NKPD1: variants seen among roughly 807,000 people sequenced by gnomAD.
NKPD1 encodes NTPase KAP family P-loop domain-containing protein 1.
A neutral mutation model predicts 42.2 loss-of-function variants in NKPD1; 37 were observed. The ratio of observed to expected loss-of-function variants is 0.88; its 90% CI spans 0.67 to 1.15. The LOEUF is 1.15. Ranked by LOEUF, NKPD1 falls within the 50% of genes most tolerant of loss-of-function variation. NKPD1 has a pLI of 0.00. For synonymous variants in NKPD1, 552 were observed against 536.5 expected (o/e 1.03, Z -0.40); for missense variants, 1,113 against 1,174.6 (o/e 0.95, Z 0.77).
Position 45,152,846 on chromosome 19 carries a change from T to G in NKPD1, c.1591A>C (p.Ile531Leu). The G allele has an allele frequency of 2.5e-6, 4 of 1,593,836 alleles. No homozygotes were observed. The highest frequency in any genetic ancestry group is 3.4e-6 in the Non-Finnish European group (4 of 1,167,538). ...TGCAGCTTGGTGCGGCGGCCCATAATGGGCACAGAGAAGGGCAGCGTGACA... is the reference window on the plus strand; with the variant it reads ...TGCAGCTTGGTGCGGCGGCCCATAAGGGGCACAGAGAAGGGCAGCGTGACA... ...RTVTLPFSVPIMGRRTKLQFL... is the reference protein window; with the variant it reads ...RTVTLPFSVPLMGRRTKLQFL... The change falls in exon 5 of 5, where the codon ATT becomes CTT. Residue 531 changes from isoleucine (I) to leucine (L), a missense_variant. Physicochemically the swap from Ile to Leu is conservative, Grantham distance 5. Coordinates refer to ENST00000686631, the MANE Select transcript of NKPD1 (RefSeq NM_198478.4).
Position 45,152,842 on chromosome 19 carries a change from A to G in NKPD1, c.1595T>C (p.Met532Thr), listed in dbSNP as rs1336417969. 9.4e-6 allele frequency: 15 copies of G among 1,594,526 alleles called. No homozygotes were observed. Among genetic ancestry groups the G allele is most frequent in the Admixed American group, 1.7e-5 (1 of 58,826 alleles). The part of the protein sequence containing the change: ...TVTLPFSVPI[M>T]GRRTKLQFLH... ...GAACTGCAGCTTGGTGCGGCGGCCC[A>G]TAATGGGCACAGAGAAGGGCAGCGT... is the stretch of plus-strand genomic sequence containing the variant. The change falls in exon 5 of 5, where the codon ATG (methionine) becomes ACG (threonine). Residue 532 changes from methionine (M) to threonine (T), a missense_variant. Transcript: ENST00000686631.
At position 45,151,806 on chromosome 19, in the gene NKPD1, C is replaced by T. The variant is rs1968782182; in HGVS notation, c.*132G>A. ...GGAAGCTATGTCCACGGCTCTGGCTCAGGTTCACCTGGGGGTGTGGGCCTC... is the reference window on the plus strand; with the variant it reads ...GGAAGCTATGTCCACGGCTCTGGCTTAGGTTCACCTGGGGGTGTGGGCCTC... On this transcript the variant is annotated 3_prime_UTR_variant, in exon 5 of 5. Coordinates refer to ENST00000686631, the MANE Select transcript of NKPD1 (RefSeq NM_198478.4). 2 of 998,224 alleles carry T rather than the reference C, an allele frequency of 2.0e-6. No individual in the cohort carries two copies. The highest frequency in any genetic ancestry group is 2.8e-6 in the Non-Finnish European group (2 of 714,562). 61.8% of individuals were successfully genotyped at this position (998,224 alleles called of 1,614,324 possible). A position where few individuals can be genotyped will look rare whatever the true frequency, so the allele number is the denominator to read the frequency against.
At chr19:45,161,632 T>A (rs12460178), upstream of NKPD1, among the ~76,000 whole-genome samples, 2,237 of 152,196 alleles carry the variant, frequency 0.015, 63 homozygotes, top group African/African-American at 0.049. Flanking sequence ...TTGGAAGCAG[T>A]CAGTGGTTGC....
In NKPD1 at chr19:45,153,534, G is replaced by A. The variant is rs1296563192; in HGVS notation, c.903C>T (p.Cys301=). 4 of 1,549,778 alleles carry A rather than the reference G, an allele frequency of 2.6e-6. No homozygotes were observed. In the South Asian group the frequency reaches 3.5e-5, roughly 14 times the overall value. Reference sequence around the variant, plus strand: ...CGCCATAGTGGCGGCGGATGCCCTCGCACAACGTGGTCACCAGGCCGGCCC... The same window carrying A: ...CGCCATAGTGGCGGCGGATGCCCTCACACAACGTGGTCACCAGGCCGGCCC... The part of the protein sequence containing the change: ...KLWAGLVTTL[C]EGIRRHYGAL... The change falls in exon 5 of 5, where the codon TGC becomes TGT. Residue 301 remains cysteine, a synonymous_variant. Coordinates refer to ENST00000686631, the MANE Select transcript of NKPD1 (RefSeq NM_198478.4).
At chr19:45,156,019 C>A (rs184148878) in intron 3 of NKPD1, 103 bp from the exon 4 acceptor site, 15,957 of 1,142,420 alleles carry the variant, frequency 0.014, 158 homozygotes, top group Middle Eastern at 0.016. Context: ...TTCCTGGCAC[C>A]CTGTGCAAAG....
intron 4 of NKPD1, 91 bp downstream of exon 4, chr19:45,155,694 G>A: frequency 8.3e-7 from 1 of 1,209,920 alleles, no homozygotes; most frequent in Admixed American, 2.5e-5. Flanking sequence ...TGGCCACAGG[G>A]GTGGGGGGAT....
chr19:45,161,263 G>A (rs1969000014), upstream of NKPD1, among the ~76,000 whole-genome samples: 1 of 152,170 alleles, frequency 6.6e-6, no homozygotes, highest in South Asian at 2.1e-4. Context: ...CTCCTCCGTG[G>A]CCCAGGTATG....
In NKPD1 at chr19:45,152,166, G is replaced by GATGAGACCC; in HGVS notation, c.2262_2270dup (p.Met754_Leu756dup). 1 of 1,597,346 alleles carries GATGAGACCC rather than the reference G, an allele frequency of 6.3e-7. No individual in the cohort carries two copies. Among genetic ancestry groups the GATGAGACCC allele is most frequent in the Non-Finnish European group, 8.5e-7 (1 of 1,173,476 alleles). ...GCGGCTTGAGCGCGCTGACGGCTCG[G>GATGAGACCC]ATGAGACCCATGCGCCGGCGGATGG... On this transcript the variant is annotated inframe_insertion, in exon 5 of 5. Transcript: ENST00000686631.
At position 45,150,620 on chromosome 19, in the gene NKPD1, C is replaced by T. The variant is rs1353724942; in HGVS notation, c.*1318G>A. 1 of 152,204 alleles carries T rather than the reference C, an allele frequency of 6.6e-6. No homozygotes were observed. The highest frequency in any genetic ancestry group is 2.4e-5 in the African/African-American group (1 of 41,428). 9.4% of individuals were successfully genotyped at this position (152,204 alleles called of 1,614,324 possible). Reference sequence around the variant, plus strand: ...CCCAGGAGGTCCAGGCGTATCCTACCAGCTTAGTCAGTCCAGGAATGGGAA... The same window carrying T: ...CCCAGGAGGTCCAGGCGTATCCTACTAGCTTAGTCAGTCCAGGAATGGGAA... On this transcript the variant is annotated 3_prime_UTR_variant, in exon 5 of 5. Transcript: ENST00000686631.
chr19:45,162,002 C>A (rs1428271632), upstream of NKPD1, among the ~76,000 whole-genome samples: 2 of 152,122 alleles, frequency 1.3e-5, no homozygotes, highest in African/African-American at 4.8e-5. Flanking sequence ...TCTCCTCCCC[C>A]ACCCTTCAAG....
chr19:45,154,981 C>T (rs1037551965), intron 4 of NKPD1, among the ~76,000 whole-genome samples: 24 of 142,360 alleles, frequency 1.7e-4, no homozygotes, highest in African/African-American at 6.1e-4. Context: ...GTTGAGACTG[C>T]GCCACTGCAG....
At chr19:45,161,542 G>T (rs1969005712), upstream of NKPD1, among the ~76,000 whole-genome samples, 1 of 152,224 alleles carries the variant, frequency 6.6e-6, no homozygotes, top group Non-Finnish European at 1.5e-5. Context: ...CAGGTGTGAT[G>T]CCCGCTTCAC....
At chr19:45,162,024 G>C (rs1387475816), upstream of NKPD1, among the ~76,000 whole-genome samples, 2 of 152,060 alleles carry the variant, frequency 1.3e-5, no homozygotes, top group Admixed American at 1.3e-4. Context: ...CGGTTGCTCT[G>C]GGAAGGTTCC....
At chr19:45,154,791 G>C (rs1164069816) in intron 4 of NKPD1, among the ~76,000 whole-genome samples, 1 of 152,102 alleles carries the variant, frequency 6.6e-6, no homozygotes, top group African/African-American at 2.4e-5. Context: ...TTGGGAGGCC[G>C]AGGTGGGCGG....
chr19:45,154,381 G>A (rs998121267), intron 4 of NKPD1, among the ~76,000 whole-genome samples: 2 of 152,224 alleles, frequency 1.3e-5, no homozygotes, highest in Non-Finnish European at 2.9e-5. Flanking sequence ...GAAGGGCAGG[G>A]TCCTGCTTGT....
At position 45,153,143 on chromosome 19, in the gene NKPD1, T is replaced by C. The variant is rs1246575389; in HGVS notation, c.1294A>G (p.Lys432Glu). The change falls in exon 5 of 5, where the codon AAG becomes GAG. Residue 432 changes from lysine (K) to glutamate (E), a missense_variant. Physicochemically the swap from Lys to Glu is moderately conservative, Grantham distance 56. Transcript: ENST00000686631. ...SQLGFMCEVKKEVELLTDFLC... is the reference protein window; with the variant it reads ...SQLGFMCEVKEEVELLTDFLC... Reference sequence around the variant, plus strand: ...AAGTCGGTGAGCAGCTCCACCTCCTTCTTCACCTCGCACATGAAACCCAGC... The same window carrying C: ...AAGTCGGTGAGCAGCTCCACCTCCTCCTTCACCTCGCACATGAAACCCAGC... The C allele has an allele frequency of 2.5e-6, 4 of 1,577,534 alleles. No individual in the cohort carries two copies. The highest frequency in any genetic ancestry group is 1.8e-5 in the Admixed American group (1 of 54,530).
rs1051483255 is a variant in NKPD1, at chr19:45,153,015, G to A, written c.1422C>T (p.Asn474=). 1.9e-6 allele frequency: 3 copies of A among 1,586,056 alleles called. No individual in the cohort carries two copies. The highest frequency in any genetic ancestry group is 2.6e-6 in the Non-Finnish European group (3 of 1,165,464). ...TGTCGGACAGCAGCGTGTTGATGGC[G>A]TTGAGCACGCCCACCACGCGCTCCG... ...CYPERVVGVL[N]AINTLLSDSH... Residue 474 remains asparagine, a synonymous_variant, in exon 5 of 5, where the codon AAC becomes AAT. Coordinates refer to ENST00000686631, the MANE Select transcript of NKPD1 (RefSeq NM_198478.4).
In NKPD1 at chr19:45,153,361, T is replaced by A. The variant is rs748751358; in HGVS notation, c.1076A>T (p.Tyr359Phe). The A allele has an allele frequency of 6.4e-7, 1 of 1,568,648 alleles. No homozygotes were observed. Among genetic ancestry groups the A allele is most frequent in the East Asian group, 2.3e-5 (1 of 42,790 alleles). Residue 359 changes from tyrosine to phenylalanine, a missense_variant, in exon 5 of 5, where the codon TAC becomes TTC. Physicochemically the swap from Tyr to Phe is conservative, Grantham distance 22 (BLOSUM62 3). This residue lies in a region of NKPD1 where 867 missense variants were observed against 870.1 expected (regional missense o/e 1.00). Transcript: ENST00000686631. ...CAGCGCGTGGCCGCCCAGTGACAAG[T>A]AGAGCAGCCCCACACCCAGGCCCAG... is the stretch of plus-strand genomic sequence containing the variant. ...AALGLGVGLLYLSLGGHALGH... is the reference protein window; with the variant it reads ...AALGLGVGLLFLSLGGHALGH...
At position 45,152,646 on chromosome 19, in the gene NKPD1, G is replaced by C. The variant is rs1329431996; in HGVS notation, c.1791C>G (p.Ile597Met). The change falls in exon 5 of 5, where the codon ATC becomes ATG. Residue 597 changes from isoleucine to methionine, a missense_variant. By Grantham distance (10) the Ile-to-Met change is conservative. Transcript: ENST00000686631. ...CGTGAAGGCAGAAGAGCGCCTCCTG[G>C]ATTCGCCGCGCCGCCTCGTCGTCGA... ...GRIDDEAARR[I>M]QEALFCLHDE... The C allele has an allele frequency of 5.8e-6, 9 of 1,554,836 alleles. No individual in the cohort carries two copies. Among genetic ancestry groups the C allele is most frequent in the Non-Finnish European group, 7.8e-6 (9 of 1,159,622 alleles).
Sources: allele counts gnomAD v4.1 joint callset (sites outside exome capture counted in the v4.1 genomes callset), GRCh38; gene constraint gnomAD v4.1.1; regional missense constraint gnomAD v4.1.1; transcripts MANE v1.5; gene names NCBI Gene and HGNC (gene_info 2026-07-23, HGNC 2026-07-21).